Variants in VPS13D observed in about 807,000 individuals in gnomAD.
The protein encoded by VPS13D is intermembrane lipid transfer protein VPS13D.
VPS13D carries 187 observed loss-of-function variants against 461.9 expected under a neutral mutation model. The ratio of observed to expected loss-of-function variants is 0.40; its 90% CI spans 0.36 to 0.46. VPS13D has a LOEUF of 0.46. Ranked by LOEUF, VPS13D falls within the 20% of genes least tolerant of loss-of-function variation. The pLI is 0.60. For synonymous variants in VPS13D, 1,951 were observed against 1,986.3 expected, an observed-to-expected ratio of 0.98 and a Z score of 0.47; for missense variants, 4,711 against 5,364.9, an observed-to-expected ratio of 0.88 and a Z score of 3.81.
At chr1:12,387,124 G>A (rs1644360212) in intron 60 of VPS13D, among the ~76,000 whole-genome samples, 2 of 152,172 alleles carry the variant, frequency 1.3e-5, no homozygotes, top group African/African-American at 4.8e-5. Flanking sequence ...CCCACACAGG[G>A]CTAGGAATAG....
chr1:12,455,151 C>T lies in VPS13D; in HGVS notation c.12334-847C>T, dbSNP rs375863411. Among the ~76,000 whole-genome samples the T allele has an allele frequency of 1.1e-4, 16 of 152,314 alleles. No homozygotes were observed. The East Asian group carries it at 2.5e-3, about 24-fold the overall frequency. ...GTTCAAGTCTGCCACCTCCTATGAA[C>T]GGTGACCTAACCTGTTAATCTTTCC... On this transcript the variant is annotated intron_variant, in intron 65 of 69. Transcript: ENST00000620676.
At chr1:12,244,201 A>G in intron 3 of VPS13D, 45 bp from the exon 4 acceptor site, 1 of 1,540,374 alleles carries the variant, frequency 6.5e-7, no homozygotes, top group Non-Finnish European at 8.7e-7. Flanking sequence ...GGAAAGAATT[A>G]AAAATGTGTA....
At chr1:12,334,194 C>A (rs1375229258) in intron 38 of VPS13D, among the ~76,000 whole-genome samples, 1 of 152,008 alleles carries the variant, frequency 6.6e-6, no homozygotes, top group Non-Finnish European at 1.5e-5. Flanking sequence ...GTTTGTTGAC[C>A]CCCCAAATTT....
intron 18 of VPS13D, 96 bp downstream of exon 18, chr1:12,273,231 C>G (rs1569763770): frequency 2.1e-6 from 3 of 1,413,110 alleles, no homozygotes; most frequent in Non-Finnish European, 2.8e-6. Context: ...GTTTATGTAA[C>G]ATTTTTATAT....
chr1:12,304,483 A>C, intron 25 of VPS13D, 23 bp from the exon 26 acceptor site: 1 of 1,594,682 alleles, frequency 6.3e-7, no homozygotes, highest in Non-Finnish European at 8.6e-7. Flanking sequence ...CCTGCATTCT[A>C]GTTTTATTTT....
intron 66 of VPS13D, among the ~76,000 whole-genome samples, chr1:12,457,648 G>A (rs559830390): frequency 2.4e-4 from 37 of 152,304 alleles, no homozygotes; most frequent in African/African-American, 8.7e-4. Flanking sequence ...GAAGAGGAAG[G>A]AATATAGACA....
intron 65 of VPS13D, among the ~76,000 whole-genome samples, chr1:12,421,570 A>G (rs1181771925): frequency 6.6e-6 from 1 of 152,188 alleles, no homozygotes; most frequent in Non-Finnish European, 1.5e-5. Context: ...TTCTTGTGTG[A>G]TATTTTCACA....
chr1:12,328,897 T>A (rs1643260200), intron 36 of VPS13D, among the ~76,000 whole-genome samples: 1 of 152,178 alleles, frequency 6.6e-6, no homozygotes, highest in Non-Finnish European at 1.5e-5. Context: ...GTTTTAACTT[T>A]CCATTGTTTC....
In VPS13D at chr1:12,505,826, G is replaced by A. The variant is rs1441394049; in HGVS notation, c.12795-1027G>A. On this transcript the variant is annotated intron_variant, in intron 68 of 69. Transcript: ENST00000620676. The surrounding 1 kb of genome is among the most constrained non-coding windows in gnomAD (Gnocchi z 4.2). ...AGTTGGGAGAGCAGGTGTGCGTCCTGCACGGACCCCAAGTGAGCGAGGGCC... is the reference window on the plus strand; with the variant it reads ...AGTTGGGAGAGCAGGTGTGCGTCCTACACGGACCCCAAGTGAGCGAGGGCC... 6.6e-6 allele frequency among the ~76,000 whole-genome samples: 1 copy of A among 152,226 alleles called. No individual in the cohort carries two copies. The highest frequency in any genetic ancestry group is 1.5e-5 in the Non-Finnish European group (1 of 68,038).
At chr1:12,251,502 A>G (rs1388297850) in intron 6 of VPS13D, among the ~76,000 whole-genome samples, 1 of 152,166 alleles carries the variant, frequency 6.6e-6, no homozygotes, top group African/African-American at 2.4e-5. Context: ...TTTCCATGTC[A>G]GGACCCACAC....
intron 34 of VPS13D, among the ~76,000 whole-genome samples, chr1:12,323,434 G>A (rs1354614391): frequency 6.6e-6 from 1 of 152,064 alleles, no homozygotes; most frequent in Non-Finnish European, 1.5e-5. Flanking sequence ...CCAGATGGTG[G>A]AATGAAGGGG....
intron 6 of VPS13D, among the ~76,000 whole-genome samples, chr1:12,250,640 A>G (rs1640704484): frequency 6.6e-6 from 1 of 152,184 alleles, no homozygotes; most frequent in Non-Finnish European, 1.5e-5. Flanking sequence ...AGCACTTTCC[A>G]TGATTTAACT....
rs568865673 is a variant in VPS13D at position 12,268,813 on chromosome 1, T to C, written c.1909T>C (p.Tyr637His). 2 of 1,614,124 alleles carry C rather than the reference T, an allele frequency of 1.2e-6. No homozygotes were observed. Among genetic ancestry groups the C allele is most frequent in the African/African-American group, 1.3e-5 (1 of 75,048 alleles). Residue 637 changes from tyrosine (Y) to histidine (H), a missense_variant, in exon 16 of 70, where the codon TAC becomes CAC. Tyr to His is a moderately conservative substitution (Grantham distance 83). Transcript: ENST00000620676. ...CAGCACAAGGCCCTTGAACATCATA[T>C]ACAATCCGCAGGCCATTAAAAAAGT... is the stretch of plus-strand genomic sequence containing the variant. ...NVSTRPLNII[Y>H]NPQAIKKVAD...
intron 2 of VPS13D, among the ~76,000 whole-genome samples, chr1:12,241,095 C>T (rs532103860): frequency 6.6e-6 from 1 of 152,130 alleles, no homozygotes; most frequent in East Asian, 1.9e-4. Context: ...TGTGTGCTAC[C>T]ATGCCTGGCT....
At chr1:12,305,994 A>T (rs976196856) in intron 26 of VPS13D, among the ~76,000 whole-genome samples, 1 of 148,946 alleles carries the variant, frequency 6.7e-6, no homozygotes, top group Non-Finnish European at 1.5e-5. Context: ...TTTTATTTTT[A>T]TTTTTTTGAG....
At chr1:12,274,051 G>GT (rs962964255) in intron 18 of VPS13D, among the ~76,000 whole-genome samples, 13 of 151,880 alleles carry the variant, frequency 8.6e-5, no homozygotes, top group African/African-American at 1.9e-4. Flanking sequence ...GTTTTTGTTT[G>GT]TTTTTTTGAG....
rs553251887 is a variant in VPS13D, at chr1:12,363,373, A to G, written c.10448+126A>G. ...CTCAGACAGAGGTCTTAGAACTTGC[A>G]AAGTCCAGGGAAGTGTGAGGGGATA... On this transcript the variant is annotated intron_variant, in intron 52 of 69. Coordinates refer to ENST00000620676, the MANE Select transcript of VPS13D (RefSeq NM_015378.4). The G allele has an allele frequency of 1.9e-5, 19 of 1,017,002 alleles. No individual in the cohort carries two copies. The South Asian group carries it at 3.0e-4, about 16-fold the overall frequency. The allele number at this position is 1,017,002 out of a possible 1,614,324, so 63.0% of individuals were successfully genotyped here.
Position 12,322,562 on chromosome 1 carries a change from A to C in VPS13D, c.7731A>C (p.Arg2577Ser). The change falls in exon 34 of 70, where the codon AGA (arginine) becomes AGC (serine). Residue 2577 changes from arginine to serine, a missense_variant. By Grantham distance (110) the Arg-to-Ser change is moderately radical. Coordinates refer to ENST00000620676, the MANE Select transcript of VPS13D (RefSeq NM_015378.4). ...TTCAGTTACAAGCCCTGGATATCAG[A>C]CTCTCCTATAATGATGTTCAGCTGT... is the stretch of plus-strand genomic sequence containing the variant. ...LEIQLQALDI[R>S]LSYNDVQLFL... 6.2e-7 allele frequency: 1 copy of C among 1,614,126 alleles called. No homozygotes were observed. The highest frequency in any genetic ancestry group is 8.5e-7 in the Non-Finnish European group (1 of 1,180,016).
Position 12,509,173 on chromosome 1 carries a change from A to G in VPS13D, c.*149A>G. On this transcript the variant is annotated 3_prime_UTR_variant, in exon 70 of 70. Transcript: ENST00000620676. ...AGGGAAAGTAAATCCTCATGAGGAA[A>G]AGTACAAATGGAAATCGTATTAATT... 1.1e-6 allele frequency: 1 copy of G among 922,002 alleles called. No homozygotes were observed. The highest frequency in any genetic ancestry group is 1.5e-6 in the Non-Finnish European group (1 of 645,564). The allele number at this position is 922,002 out of a possible 1,614,324, so 57.1% of individuals were successfully genotyped here. A position where few individuals can be genotyped will look rare whatever the true frequency, so the allele number is the denominator to read the frequency against.
Sources: gnomAD v4.1 joint callset for allele counts (sites outside exome capture counted in the v4.1 genomes callset) on GRCh38, gnomAD v4.1.1 for gene constraint, Gnocchi (gnomAD v3.1) non-coding constraint, MANE v1.5 for transcripts, NCBI Gene and HGNC (gene_info 2026-07-23, HGNC 2026-07-21) for gene names.